ZNF451: variants seen among roughly 807,000 people sequenced by gnomAD.
The protein encoded by ZNF451 is E3 SUMO-protein ligase ZNF451.
In ZNF451, 80 loss-of-function variants were observed where a neutral mutation model predicts 107.1. The observed-to-expected ratio is 0.75, with a 90% confidence interval of 0.62 to 0.90. The LOEUF is 0.90. Ranked by LOEUF, ZNF451 falls within the 40% of genes least tolerant of loss-of-function variation. ZNF451 has a pLI of 0.00. For missense variants in ZNF451, 1,107 were observed against 1,236.2 expected, an observed-to-expected ratio of 0.90 and a Z score of 1.57; for synonymous variants, 362 against 406.5, an observed-to-expected ratio of 0.89 and a Z score of 1.32.
chr6:57,096,607 G>C lies in ZNF451; in HGVS notation c.106-2454G>C, dbSNP rs201639624. Among the ~76,000 whole-genome samples, 16 of 132,196 alleles carry C rather than the reference G, an allele frequency of 1.2e-4. No homozygotes were observed. The East Asian group carries it at 1.3e-3, about 11-fold the overall frequency. 86.7% of individuals were successfully genotyped at this position (132,196 alleles called of 152,430 possible). ...TCTGTGTATTTCTGGTTACCGGGGC[G>C]GGGGGGTAGGGGGGCGCTTTTGTGT... On this transcript the variant is annotated intron_variant, in intron 2 of 14. Transcript: ENST00000370706.
intron 11 of ZNF451, chr6:57,151,068 T>C: frequency 1.8e-6 from 1 of 567,716 alleles, no homozygotes; most frequent in Non-Finnish European, 2.8e-6. Context: ...ACTCAAAGTT[T>C]ATGGATCTTT....
chr6:57,126,051 C>T (rs2127960833), intron 4 of ZNF451, among the ~76,000 whole-genome samples: 1 of 152,200 alleles, frequency 6.6e-6, no homozygotes, highest in East Asian at 1.9e-4. Flanking sequence ...TTTTCCCAGG[C>T]AGTCTTAATG....
chr6:57,106,947 T>C (rs560680023), intron 3 of ZNF451: 1 of 928,638 alleles, frequency 1.1e-6, no homozygotes, highest in Non-Finnish European at 1.3e-6. Context: ...AAAATATTAT[T>C]TTATGAAATT....
intron 3 of ZNF451, chr6:57,102,603 C>CT (rs1244306851): frequency 1.0e-6 from 1 of 986,290 alleles, no homozygotes; most frequent in African/African-American, 1.7e-5. Flanking sequence ...GTTAAAATGT[C>CT]TTTATGTCAA....
intron 2 of ZNF451, among the ~76,000 whole-genome samples, chr6:57,098,729 G>A (rs1454048331): frequency 6.6e-6 from 1 of 152,118 alleles, no homozygotes; most frequent in African/African-American, 2.4e-5. Context: ...ACAGACTTTT[G>A]ATACCAATTC....
intron 3 of ZNF451, chr6:57,101,685 A>G (rs1156801358): frequency 1.3e-6 from 2 of 1,550,718 alleles, no homozygotes; most frequent in Non-Finnish European, 1.7e-6. Context: ...CAAGATGCAT[A>G]ATATCTGATG....
At chr6:57,103,503 C>T in intron 3 of ZNF451, 1 of 985,334 alleles carries the variant, frequency 1.0e-6, no homozygotes, top group Non-Finnish European at 1.2e-6. Flanking sequence ...ACAGTATCTT[C>T]TCTTTAGACT....
At chr6:57,159,028 T>C in intron 13 of ZNF451, 1 of 985,486 alleles carries the variant, frequency 1.0e-6, no homozygotes, top group African/African-American at 1.7e-5. Flanking sequence ...GTTGAACTTA[T>C]TTCTTAAAGT....
At chr6:57,119,063 A>G (rs1007326692) in intron 3 of ZNF451, among the ~76,000 whole-genome samples, 9 of 152,116 alleles carry the variant, frequency 5.9e-5, no homozygotes, top group African/African-American at 2.2e-4. Flanking sequence ...GCCTTTTTAT[A>G]TATGCTTACT....
At chr6:57,096,548 T>A (rs1019496530) in intron 2 of ZNF451, among the ~76,000 whole-genome samples, 18 of 146,806 alleles carry the variant, frequency 1.2e-4, no homozygotes, top group Middle Eastern at 6.9e-3. Flanking sequence ...ATCTTTCATC[T>A]TCTTCTTTAC....
chr6:57,117,616 T>G (rs1270891577), intron 3 of ZNF451, among the ~76,000 whole-genome samples: 1 of 152,200 alleles, frequency 6.6e-6, no homozygotes, highest in African/African-American at 2.4e-5. Context: ...AATATACTTA[T>G]GTGACTAGTG....
chr6:57,142,165 A>G (rs1831802029), intron 9 of ZNF451, 70 bp downstream of exon 9: 1 of 1,453,270 alleles, frequency 6.9e-7, no homozygotes, highest in East Asian at 2.3e-5. Context: ...CAACAAATAC[A>G]TTTTCTTTCC....
chr6:57,110,287 A>G (rs952001502), intron 3 of ZNF451, among the ~76,000 whole-genome samples: 1 of 152,198 alleles, frequency 6.6e-6, no homozygotes, highest in Non-Finnish European at 1.5e-5. Context: ...ATCTGTGAAT[A>G]TGTACTGGTT....
intron 3 of ZNF451, chr6:57,102,323 T>C (rs1008859787): frequency 9.9e-6 from 12 of 1,217,576 alleles, no homozygotes; most frequent in Non-Finnish European, 1.0e-6. Context: ...TTGAAAGGGT[T>C]GGACAAATGT....
rs1172714841 is a variant in ZNF451 at position 57,142,055 on chromosome 6, A to G, written c.964A>G (p.Lys322Glu). ...TCAAGTTAAGTGTGTGGCCTGCCAC[A>G]AGACACTGCGTTCCCACATGGAGCT... ...PFQVKCVACH[K>E]TLRSHMELTA... The change falls in exon 9 of 15, where the codon AAG becomes GAG. Residue 322 changes from lysine to glutamate, a missense_variant. Physicochemically the swap from Lys to Glu is moderately conservative, Grantham distance 56. Around this residue, in one of 5 missense-constraint regions of ZNF451, gnomAD observed 339 missense variants for 372.8 expected, o/e 0.91. Coordinates refer to ENST00000370706, the MANE Select transcript of ZNF451 (RefSeq NM_001031623.3). The G allele has an allele frequency of 6.2e-7, 1 of 1,613,916 alleles. No individual in the cohort carries two copies. The highest frequency in any genetic ancestry group is 8.5e-7 in the Non-Finnish European group (1 of 1,179,806).
chr6:57,144,787 G>A (rs921623920), intron 9 of ZNF451, among the ~76,000 whole-genome samples: 6 of 151,890 alleles, frequency 4.0e-5, no homozygotes, highest in Admixed American at 1.3e-4. Context: ...AAAATTAACC[G>A]GGTGTGGTGG....
rs370349336 is a variant in ZNF451 at position 57,102,416 on chromosome 6, T to A, written c.186+3275T>A. ...ATCCTCTTGTGATTAAAGAAAAATA[T>A]AAAGATGTGTTCCTCAGGAAAATCT... On this transcript the variant is annotated intron_variant, in intron 3 of 14. Transcript: ENST00000370706. 34 of 1,027,534 alleles carry A rather than the reference T, an allele frequency of 3.3e-5. 1 individual carries two copies. In the East Asian group the frequency reaches 1.8e-3, roughly 53 times the overall value. The allele number at this position is 1,027,534 out of a possible 1,614,324, so 63.7% of individuals were successfully genotyped here.
intron 3 of ZNF451, among the ~76,000 whole-genome samples, chr6:57,112,614 G>T (rs1016494651): frequency 2.6e-5 from 4 of 152,064 alleles, no homozygotes; most frequent in Admixed American, 2.0e-4. Context: ...TTTTCAGTAG[G>T]CAGAAAGTGC....
In ZNF451 at chr6:57,147,974, G is replaced by A; in HGVS notation, c.1889G>A (p.Ser630Asn). 6.2e-7 allele frequency: 1 copy of A among 1,614,120 alleles called. No homozygotes were observed. The highest frequency in any genetic ancestry group is 2.2e-5 in the East Asian group (1 of 44,884). ...AAACAGCACTGCATGTCTTTGGCAA[G>A]CCACAAGTTTCATAGATACAGCTGT... ...YVKQHCMSLA[S>N]HKFHRYSCAH... The change falls in exon 10 of 15, where the codon AGC becomes AAC. Residue 630 changes from serine to asparagine, a missense_variant. This residue lies in a region of ZNF451 where 608 missense variants were observed against 649.2 expected (regional missense o/e 0.94). Coordinates refer to ENST00000370706, the MANE Select transcript of ZNF451 (RefSeq NM_001031623.3).
Sources: gnomAD v4.1 joint callset for allele counts (sites outside exome capture counted in the v4.1 genomes callset) on GRCh38, gnomAD v4.1.1 for gene constraint, gnomAD v4.1.1 regional missense constraint, MANE v1.5 for transcripts, NCBI Gene and HGNC (gene_info 2026-07-23, HGNC 2026-07-21) for gene names.